CMPK1: variants seen among roughly 807,000 people sequenced by gnomAD.
CMPK1 encodes the protein cytidine/uridine monophosphate kinase 1, also known as UMP-CMP kinase.
CMPK1 carries 10 observed loss-of-function variants against 25.7 expected under a neutral mutation model. That is an observed-to-expected ratio of 0.39 (90% CI 0.24 to 0.66). CMPK1 has a LOEUF of 0.66. Among genes scored for constraint, CMPK1 ranks in the 30% least tolerant of loss-of-function variants. The pLI is 0.48. For synonymous variants in CMPK1, 106 were observed against 101.5 expected (o/e 1.04, Z -0.27); for missense variants, 199 against 280.5 (o/e 0.71, Z 2.08).
intron 1 of CMPK1, among the ~76,000 whole-genome samples, chr1:47,355,534 G>C (rs530684917): frequency 4.0e-4 from 60 of 151,010 alleles, no homozygotes; most frequent in Admixed American, 1.6e-3. Context: ...AGGCTGGTCT[G>C]AAACTCCTGA....
At chr1:47,349,134 T>C (rs1178608319) in intron 1 of CMPK1, among the ~76,000 whole-genome samples, 2 of 152,238 alleles carry the variant, frequency 1.3e-5, no homozygotes, top group Non-Finnish European at 2.9e-5. Context: ...ATAAAGTTTC[T>C]GATCTCATCT....
At chr1:47,370,749 C>CA (rs1423776629) in intron 2 of CMPK1, among the ~76,000 whole-genome samples, 3 of 127,662 alleles carry the variant, frequency 2.3e-5, no homozygotes, top group Admixed American at 8.9e-5. Context: ...CCAACATGGC[C>CA]AACATGGTGA....
intron 1 of CMPK1, among the ~76,000 whole-genome samples, chr1:47,356,522 C>T (rs1646561916): frequency 1.3e-5 from 2 of 152,210 alleles, no homozygotes; most frequent in Non-Finnish European, 2.9e-5. Context: ...TGAGAGTCAA[C>T]TTACCAAGTT....
At chr1:47,336,703 T>G (rs1406253726) in intron 1 of CMPK1, among the ~76,000 whole-genome samples, 1 of 152,144 alleles carries the variant, frequency 6.6e-6, no homozygotes, top group Non-Finnish European at 1.5e-5. Context: ...TTTTTCAGGT[T>G]TTTGTAGAAA....
Position 47,372,952 on chromosome 1 carries a change from T to C in CMPK1, c.319-3T>C, listed in dbSNP as rs375212744. The C allele has an allele frequency of 5.6e-6, 9 of 1,601,400 alleles. No individual in the cohort carries two copies. The African/African-American group carries it at 1.2e-4, about 22-fold the overall frequency. On this transcript the variant is annotated splice_region_variant and splice_polypyrimidine_tract_variant and intron_variant, in intron 2 of 5. Coordinates refer to ENST00000371873, the MANE Select transcript of CMPK1 (RefSeq NM_016308.3). ...TTGAACCTAAATCTTCTTTTTCCTT[T>C]AGGAAATGGATCAGACAATGGCTGC...
chr1:47,336,252 T>C (rs1319723879), intron 1 of CMPK1, among the ~76,000 whole-genome samples: 1 of 152,222 alleles, frequency 6.6e-6, no homozygotes, highest in Non-Finnish European at 1.5e-5. Flanking sequence ...GCAAAGACTT[T>C]AGAGTCAAAG....
intron 1 of CMPK1, among the ~76,000 whole-genome samples, chr1:47,349,952 G>A (rs886069631): frequency 3.3e-5 from 5 of 152,024 alleles, no homozygotes; most frequent in African/African-American, 1.2e-4. Flanking sequence ...TTACAGGCAC[G>A]CGCCACCACG....
intron 1 of CMPK1, among the ~76,000 whole-genome samples, 164 bp downstream of exon 1, chr1:47,334,280 C>A (rs1350744529): frequency 6.6e-6 from 1 of 151,732 alleles, no homozygotes; most frequent in Non-Finnish European, 1.5e-5. Context: ...CGCCGGCGCG[C>A]GGCGTGCCGG....
At chr1:47,363,673 G>T (rs1570373399) in intron 1 of CMPK1, among the ~76,000 whole-genome samples, 1 of 151,540 alleles carries the variant, frequency 6.6e-6, no homozygotes, top group East Asian at 1.9e-4. Context: ...AAACAGGCAC[G>T]GTGGCTCACG....
chr1:47,369,565 G>T (rs4926838), intron 2 of CMPK1, among the ~76,000 whole-genome samples: 144,583 of 151,758 alleles, frequency 0.95, 69,222 homozygotes, highest in East Asian at 1. Flanking sequence ...TTTTTTGCTT[G>T]CTTTCTTTTT....
intron 1 of CMPK1, among the ~76,000 whole-genome samples, chr1:47,353,821 A>G (rs529537684): frequency 6.6e-6 from 1 of 152,162 alleles, no homozygotes; most frequent in East Asian, 1.9e-4. Context: ...GGTTCAAGCA[A>G]TTCTCCTGCC....
At position 47,378,199 on chromosome 1, in the gene CMPK1, C is replaced by T. The variant is rs1024711953; in HGVS notation, c.*1454C>T. The T allele has an allele frequency of 2.0e-5, 3 of 152,128 alleles. No homozygotes were observed. Among genetic ancestry groups the T allele is most frequent in the Admixed American group, 1.3e-4 (2 of 15,270 alleles). The allele number at this position is 152,128 out of a possible 1,614,324, so 9.4% of individuals were successfully genotyped here. On this transcript the variant is annotated 3_prime_UTR_variant, in exon 6 of 6. Coordinates refer to ENST00000371873, the MANE Select transcript of CMPK1 (RefSeq NM_016308.3). ...ATTCACTTAATGATAAATTTTTCAA[C>T]ATACTTGCCATTAGAAAACAAAGTA...
At position 47,335,761 on chromosome 1, in the gene CMPK1, T is replaced by G. The variant is rs1646393907; in HGVS notation, c.171+1645T>G. Among the ~76,000 whole-genome samples the G allele has an allele frequency of 2.6e-5, 4 of 152,008 alleles. No individual in the cohort carries two copies. In the South Asian group the frequency reaches 6.2e-4, roughly 24 times the overall value. On this transcript the variant is annotated intron_variant, in intron 1 of 5. Coordinates refer to ENST00000371873, the MANE Select transcript of CMPK1 (RefSeq NM_016308.3). ...TTGTTGGTTCTCTTTCTTTTGTTGTTTTTTTGTTTTTGTTTTTGTTTTTGT... is the reference window on the plus strand; with the variant it reads ...TTGTTGGTTCTCTTTCTTTTGTTGTGTTTTTGTTTTTGTTTTTGTTTTTGT...
intron 1 of CMPK1, among the ~76,000 whole-genome samples, chr1:47,342,652 T>C (rs1471265326): frequency 1.4e-5 from 2 of 143,024 alleles, no homozygotes; most frequent in Non-Finnish European, 3.1e-5. Context: ...CTTTTTTCTT[T>C]TTTTTTTTTT....
chr1:47,372,672 A>G, intron 2 of CMPK1, among the ~76,000 whole-genome samples: 1 of 152,116 alleles, frequency 6.6e-6, no homozygotes, highest in East Asian at 1.9e-4. Flanking sequence ...AAATTTGGAA[A>G]CCACAGAAAA....
chr1:47,371,372 C>T (rs1362338642), intron 2 of CMPK1, among the ~76,000 whole-genome samples: 1 of 152,110 alleles, frequency 6.6e-6, no homozygotes, highest in Admixed American at 6.5e-5. Context: ...TCTACTTTTC[C>T]ACTCTCTACT....
In CMPK1 at chr1:47,340,254, A is replaced by T. The variant is rs1278117934; in HGVS notation, c.171+6138A>T. Among the ~76,000 whole-genome samples, 7 of 148,942 alleles carry T rather than the reference A, an allele frequency of 4.7e-5. No individual in the cohort carries two copies. In the East Asian group the frequency reaches 1.0e-3, roughly 21 times the overall value. ...AGGTGCATGCCACCATGCCCAGCTA[A>T]TTTTTTTTATTTTGTAGAAATGGGG... On this transcript the variant is annotated intron_variant, in intron 1 of 5. Coordinates refer to ENST00000371873, the MANE Select transcript of CMPK1 (RefSeq NM_016308.3).
chr1:47,341,391 C>T (rs780370075), intron 1 of CMPK1, among the ~76,000 whole-genome samples: 6 of 152,040 alleles, frequency 3.9e-5, no homozygotes, highest in African/African-American at 7.2e-5. Context: ...GAGACAGAGA[C>T]TCACTCAGTC....
intron 1 of CMPK1, among the ~76,000 whole-genome samples, chr1:47,343,349 G>C (rs1405273517): frequency 3.0e-4 from 1 of 3,324 alleles, no homozygotes; most frequent in East Asian, 0.01. Flanking sequence ...TGTAATCCCA[G>C]CATTTTGGGA....
Sources: allele counts gnomAD v4.1 joint callset (sites outside exome capture counted in the v4.1 genomes callset), GRCh38; gene constraint gnomAD v4.1.1; transcripts MANE v1.5; gene names NCBI Gene and HGNC (gene_info 2026-07-23, HGNC 2026-07-21).